Variants in SLC12A6 observed in about 807,000 individuals in gnomAD.
SLC12A6 encodes K-Cl cotransporter 3.
In SLC12A6, 66 loss-of-function variants were observed where a neutral mutation model predicts 135.3. That is an observed-to-expected ratio of 0.49 (90% confidence interval 0.40 to 0.60). The LOEUF is 0.60. Among genes scored for constraint, SLC12A6 ranks in the 20% least tolerant of loss-of-function variants. SLC12A6 has a pLI of 0.00. For synonymous variants in SLC12A6, 513 were observed against 508.8 expected, an observed-to-expected ratio of 1.01 and a Z score of -0.11; for missense variants, 1,058 against 1,452.3, an observed-to-expected ratio of 0.73 and a Z score of 4.41.
chr15:34,272,980 G>A (rs1345685428), intron 3 of SLC12A6, among the ~76,000 whole-genome samples: 2 of 152,132 alleles, frequency 1.3e-5, no homozygotes, highest in African/African-American at 4.8e-5. Context: ...AAGTTTAATC[G>A]TTCCTGATCC....
At chr15:34,272,348 C>A (rs1056560947) in intron 3 of SLC12A6, among the ~76,000 whole-genome samples, 4 of 152,200 alleles carry the variant, frequency 2.6e-5, no homozygotes, top group African/African-American at 4.8e-5. Context: ...CAAAAAAAAT[C>A]TTTCAGTCTT....
Position 34,336,754 on chromosome 15 carries a change from T to A in SLC12A6, c.-72-2A>T, listed in dbSNP as rs895242252. On this transcript the variant is annotated splice_acceptor_variant, in intron 1 of 25. Coordinates refer to ENST00000354181, the MANE Select transcript of SLC12A6 (RefSeq NM_001365088.1). LOFTEE classifies it low-confidence loss of function (5UTR_SPLICE). ...TCCTCTTACGCTAGCTACTTTTGACTGCAATACAAAAGATAACTTGAAAAA... is the reference window on the plus strand; with the variant it reads ...TCCTCTTACGCTAGCTACTTTTGACAGCAATACAAAAGATAACTTGAAAAA... 2 of 1,174,184 alleles carry A rather than the reference T, an allele frequency of 1.7e-6. No individual in the cohort carries two copies. Among genetic ancestry groups the A allele is most frequent in the African/African-American group, 3.0e-5 (2 of 66,280 alleles). 72.7% of individuals were successfully genotyped at this position (1,174,184 alleles called of 1,614,324 possible).
Position 34,229,973 on chromosome 15 carries a change from GA to G in SLC12A6, c.*3907del, listed in dbSNP as rs1890813057. 1.6e-6 allele frequency: 1 copy of G among 638,222 alleles called. No individual in the cohort carries two copies. Among genetic ancestry groups the G allele is most frequent in the Non-Finnish European group, 2.8e-6 (1 of 362,458 alleles). 39.5% of individuals were successfully genotyped at this position (638,222 alleles called of 1,614,324 possible). A position where few individuals can be genotyped will look rare whatever the true frequency, so the allele number is the denominator to read the frequency against. On this transcript the variant is annotated 3_prime_UTR_variant, in exon 26 of 26. Coordinates refer to ENST00000354181, the MANE Select transcript of SLC12A6 (RefSeq NM_001365088.1). ...ATGTGCATATTACGACAAACACAAA[GA>G]AACTATACCATAACCCAAGGCTGAA... is the stretch of plus-strand genomic sequence containing the variant.
At chr15:34,285,463 T>C (rs1894982294) in intron 2 of SLC12A6, among the ~76,000 whole-genome samples, 1 of 150,432 alleles carries the variant, frequency 6.6e-6, no homozygotes, top group Non-Finnish European at 1.5e-5. Context: ...AGTTGGAGAC[T>C]GACAGAGAGC....
At chr15:34,335,979 T>C (rs1464070130) in intron 2 of SLC12A6, among the ~76,000 whole-genome samples, 4 of 152,216 alleles carry the variant, frequency 2.6e-5, no homozygotes, top group Non-Finnish European at 5.9e-5. Context: ...GCTGCTAAGA[T>C]ACGACCAGTA....
Position 34,260,992 on chromosome 15 carries a change from A to G in SLC12A6, c.345T>C (p.Ala115=). Residue 115 remains alanine (A), a synonymous_variant, in exon 4 of 26, where the codon GCT becomes GCC. Transcript: ENST00000354181. ...LDDGHKKARN[A]YLNNSNYEEG... ...CTTCATAATTGGAATTATTGAGATA[A>G]GCATTTCGAGCTTTCTTATGTCCGT... The G allele has an allele frequency of 6.3e-7, 1 of 1,575,922 alleles. No individual in the cohort carries two copies. Among genetic ancestry groups the G allele is most frequent in the Non-Finnish European group, 8.7e-7 (1 of 1,145,304 alleles).
At chr15:34,275,205 A>C (rs1279841000) in intron 3 of SLC12A6, 140 bp downstream of exon 3, 12 of 566,106 alleles carry the variant, frequency 2.1e-5, no homozygotes, top group Non-Finnish European at 3.9e-5. Flanking sequence ...TGGGAATAGA[A>C]ACAGCAGGAA....
At chr15:34,284,272 C>CTTTTCTT (rs1566838385) in intron 2 of SLC12A6, among the ~76,000 whole-genome samples, 6 of 118,974 alleles carry the variant, frequency 5.0e-5, no homozygotes, top group Non-Finnish European at 7.0e-5. Flanking sequence ...TTCTTTGTTT[C>CTTTTCTT]TTTTCTTTTT....
chr15:34,273,965 A>G (rs1388968604), intron 3 of SLC12A6, among the ~76,000 whole-genome samples: 1 of 152,086 alleles, frequency 6.6e-6, no homozygotes, highest in Non-Finnish European at 1.5e-5. Flanking sequence ...ACATGTACAT[A>G]TCTTTTGAGT....
intron 16 of SLC12A6, 104 bp from the exon 17 acceptor site, chr15:34,242,325 A>T: frequency 2.5e-6 from 2 of 788,256 alleles, no homozygotes; most frequent in South Asian, 3.1e-5. Context: ...ATTTTTTAAA[A>T]ACTTTGAAAC....
At chr15:34,243,366 A>G (rs1367909624) in intron 16 of SLC12A6, among the ~76,000 whole-genome samples, 2 of 152,224 alleles carry the variant, frequency 1.3e-5, no homozygotes, top group Admixed American at 1.3e-4. Flanking sequence ...CAACGGGTAC[A>G]TACAGGACAT....
In SLC12A6 at chr15:34,254,273, T is replaced by C. The variant is rs571734253; in HGVS notation, c.1118+75A>G. ...CAGAGAGACTCTATGAAATTCTGACTTAAAATTATCACACCACCAGATATT... is the reference window on the plus strand; with the variant it reads ...CAGAGAGACTCTATGAAATTCTGACCTAAAATTATCACACCACCAGATATT... On this transcript the variant is annotated intron_variant, in intron 9 of 25. Coordinates refer to ENST00000354181, the MANE Select transcript of SLC12A6 (RefSeq NM_001365088.1). 3.7e-5 allele frequency: 53 copies of C among 1,440,402 alleles called. No homozygotes were observed. The African/African-American group carries it at 6.7e-4, about 18-fold the overall frequency. 89.2% of individuals were successfully genotyped at this position (1,440,402 alleles called of 1,614,324 possible). A position where few individuals can be genotyped will look rare whatever the true frequency, so the allele number is the denominator to read the frequency against.
Position 34,260,903 on chromosome 15 carries a change from C to CAAATATTTTTGGTA in SLC12A6, c.411+22_411+23insTACCAAAAATATTT, listed in dbSNP as rs753293886. On this transcript the variant is annotated intron_variant, in intron 4 of 25. Transcript: ENST00000354181. ...GATCTCTGTTCCTAAAGTCTCAGTC[C>CAAATATTTTTGGTA]ATAGTTTTCTCCAAAATATTACCTC... is the stretch of plus-strand genomic sequence containing the variant. 5.1e-6 allele frequency: 5 copies of CAAATATTTTTGGTA among 973,256 alleles called. No individual in the cohort carries two copies. The Admixed American group carries it at 8.5e-5, about 16-fold the overall frequency. 60.3% of individuals were successfully genotyped at this position (973,256 alleles called of 1,614,324 possible). A position where few individuals can be genotyped will look rare whatever the true frequency, so the allele number is the denominator to read the frequency against.
chr15:34,309,100 G>A (rs2141055998), intron 2 of SLC12A6, among the ~76,000 whole-genome samples: 1 of 152,248 alleles, frequency 6.6e-6, no homozygotes, highest in African/African-American at 2.4e-5. Flanking sequence ...TGCCTGGTTT[G>A]AACACTGGCT....
At chr15:34,287,993 T>G (rs1484793561) in intron 2 of SLC12A6, among the ~76,000 whole-genome samples, 1 of 152,220 alleles carries the variant, frequency 6.6e-6, no homozygotes, top group African/African-American at 2.4e-5. Context: ...TTAGATCCCA[T>G]TTGTCAATGT....
rs532451012 is a variant in SLC12A6 at position 34,232,925 on chromosome 15, T to G, written c.*956A>C. The G allele has an allele frequency of 6.7e-6, 1 of 149,860 alleles. No homozygotes were observed. Among genetic ancestry groups the G allele is most frequent in the Non-Finnish European group, 1.5e-5 (1 of 67,702 alleles). 9.3% of individuals were successfully genotyped at this position (149,860 alleles called of 1,614,324 possible). On this transcript the variant is annotated 3_prime_UTR_variant, in exon 26 of 26. Transcript: ENST00000354181. ...TCCTAGTATTTGTTCCTTAAGATTT[T>G]TTGACCTGTGCTTAATAAGAGGGCA...
At chr15:34,272,014 C>T (rs568411039) in intron 3 of SLC12A6, among the ~76,000 whole-genome samples, 1 of 151,890 alleles carries the variant, frequency 6.6e-6, no homozygotes, top group African/African-American at 2.4e-5. Flanking sequence ...CTCACTCTGC[C>T]GCCCAGGCTA....
At chr15:34,255,178 A>G (rs1188911700) in intron 8 of SLC12A6, 84 bp downstream of exon 8, 3 of 1,101,544 alleles carry the variant, frequency 2.7e-6, no homozygotes, top group Admixed American at 3.4e-5. Context: ...CCCACAGCTG[A>G]TCTCTCAGAA....
intron 18 of SLC12A6, 50 bp from the exon 19 acceptor site, chr15:34,240,879 T>G (rs376356073): frequency 6.8e-7 from 1 of 1,460,884 alleles, no homozygotes; most frequent in African/African-American, 1.4e-5. Flanking sequence ...CATTTTGGGT[T>G]TGGGGAACAG....
Sources: allele counts gnomAD v4.1 joint callset (sites outside exome capture counted in the v4.1 genomes callset), GRCh38; gene constraint gnomAD v4.1.1; transcripts MANE v1.5; gene names NCBI Gene and HGNC (gene_info 2026-07-23, HGNC 2026-07-21).